Variants in PLD5 observed in about 807,000 individuals in gnomAD.
The protein encoded by PLD5 is phospholipase D family member 5, also known as inactive phospholipase D5.
In PLD5, 36 loss-of-function variants were observed where a neutral mutation model predicts 61.1. The observed-to-expected ratio is 0.59, with a 90% CI of 0.45 to 0.78. The LOEUF is 0.78. PLD5 is among the 30% of genes least tolerant of loss of function. The probability of loss-of-function intolerance (pLI) is 0.00; values close to 1 mark genes in which losing one functional copy is unlikely to be tolerated. For missense variants in PLD5, 515 were observed against 644.4 expected (o/e 0.80, Z 2.17); for synonymous variants, 243 against 242.8 (o/e 1.00, Z -0.01).
At chr1:242,434,473 T>C (rs571454901) in intron 1 of PLD5, among the ~76,000 whole-genome samples, 22 of 152,286 alleles carry the variant, frequency 1.4e-4, no homozygotes, top group Middle Eastern at 3.4e-3. Flanking sequence ...AGGCTATAGA[T>C]ACAGGAGTCA....
At chr1:242,144,547 G>A (rs1361632049) in intron 5 of PLD5, among the ~76,000 whole-genome samples, 1 of 152,172 alleles carries the variant, frequency 6.6e-6, no homozygotes, top group Non-Finnish European at 1.5e-5. Flanking sequence ...TTGGGAGGCT[G>A]AGGCGGGAGG....
At chr1:242,288,294 A>T in intron 3 of PLD5, 68 bp downstream of exon 3, 1 of 1,576,676 alleles carries the variant, frequency 6.3e-7, no homozygotes. Context: ...GGAGTGGAGG[A>T]GCAGAATACT....
intron 1 of PLD5, chr1:242,449,450 A>C (rs1168596470): frequency 9.1e-6 from 14 of 1,535,080 alleles, no homozygotes; most frequent in Non-Finnish European, 1.1e-5. Flanking sequence ...CTTCAGAGGC[A>C]GAGAATGTTT....
chr1:242,170,106 G>T (rs575108227), intron 5 of PLD5, among the ~76,000 whole-genome samples: 42 of 152,224 alleles, frequency 2.8e-4, no homozygotes, highest in Non-Finnish European at 5.4e-4. Context: ...GCCTCTTCAA[G>T]TTAGTCCTTG....
intron 1 of PLD5, among the ~76,000 whole-genome samples, chr1:242,481,271 C>T (rs920199358): frequency 5.3e-5 from 8 of 152,192 alleles, no homozygotes; most frequent in African/African-American, 1.9e-4. Context: ...CATCACCTCA[C>T]CCGGGAAGTG....
chr1:242,171,717 G>GA (rs59594701), intron 5 of PLD5, among the ~76,000 whole-genome samples: 73,108 of 144,252 alleles, frequency 0.51, 18,648 homozygotes, highest in East Asian at 0.68. Flanking sequence ...CAAATGGAAA[G>GA]AAAAAAAAAA....
intron 2 of PLD5, among the ~76,000 whole-genome samples, chr1:242,295,003 C>T (rs1223607574): frequency 6.6e-6 from 1 of 152,198 alleles, no homozygotes; most frequent in Non-Finnish European, 1.5e-5. Context: ...AATGCACCGA[C>T]ATTCATTCTT....
chr1:242,236,475 C>T (rs867259759), intron 4 of PLD5, among the ~76,000 whole-genome samples: 3 of 151,574 alleles, frequency 2.0e-5, no homozygotes, highest in South Asian at 2.1e-4. Flanking sequence ...TAGTGTCTAG[C>T]GAGTCAAGAA....
chr1:242,411,364 T>G (rs1465408708), intron 1 of PLD5, among the ~76,000 whole-genome samples: 1 of 152,010 alleles, frequency 6.6e-6, no homozygotes, highest in African/African-American at 2.4e-5. Context: ...GCCTCCCGAG[T>G]AGCTGGGACT....
At chr1:242,285,697 T>G (rs571798893) in intron 3 of PLD5, among the ~76,000 whole-genome samples, 12 of 151,658 alleles carry the variant, frequency 7.9e-5, no homozygotes, top group Admixed American at 2.6e-4. Context: ...AAAATACAAC[T>G]AATGAACTTG....
chr1:242,205,080 G>A (rs1669239858), intron 5 of PLD5, among the ~76,000 whole-genome samples: 1 of 152,298 alleles, frequency 6.6e-6, no homozygotes, highest in Non-Finnish European at 1.5e-5. Context: ...GACCGGGATA[G>A]AGATTTTGAG....
chr1:242,216,009 A>G (rs1670170046), intron 5 of PLD5, among the ~76,000 whole-genome samples: 1 of 152,138 alleles, frequency 6.6e-6, no homozygotes. Flanking sequence ...TTCTAACAAC[A>G]TGACTGCTTG....
chr1:242,251,017 TAGTC>T (rs533579858), intron 4 of PLD5, among the ~76,000 whole-genome samples: 9 of 152,128 alleles, frequency 5.9e-5, no homozygotes, highest in African/African-American at 1.4e-4. Context: ...AATAAAAAAA[TAGTC>T]AGGTCATTTA....
intron 4 of PLD5, among the ~76,000 whole-genome samples, chr1:242,262,348 A>G (rs2053193): frequency 0.46 from 70,694 of 152,100 alleles, 17,511 homozygotes; most frequent in East Asian, 0.68. Flanking sequence ...GATGTCTGCA[A>G]CGTTCTACAT....
rs912984509 is a variant in PLD5, at chr1:242,219,879, A to C, written c.735+109T>G. ...GAGCCTCTTAAAACTACAGTTAAGA[A>C]TAATAAATGCTGTAGGTTTTAGGAT... On this transcript the variant is annotated intron_variant, in intron 5 of 9. Coordinates refer to ENST00000536534, the MANE Select transcript of PLD5 (RefSeq NM_001372062.1). 2.3e-5 allele frequency: 32 copies of C among 1,374,884 alleles called. No homozygotes were observed. In the African/African-American group the frequency reaches 4.4e-4, roughly 19 times the overall value. 85.2% of individuals were successfully genotyped at this position (1,374,884 alleles called of 1,614,324 possible). A position where few individuals can be genotyped will look rare whatever the true frequency, so the allele number is the denominator to read the frequency against.
At chr1:242,385,486 G>A (rs1021590286) in intron 1 of PLD5, among the ~76,000 whole-genome samples, 1 of 152,100 alleles carries the variant, frequency 6.6e-6, no homozygotes, top group African/African-American at 2.4e-5. Flanking sequence ...TTTCTTTGTT[G>A]GATTACCAAT....
chr1:242,263,845 A>G (rs1432180975), intron 4 of PLD5, among the ~76,000 whole-genome samples: 1 of 152,266 alleles, frequency 6.6e-6, no homozygotes, highest in Non-Finnish European at 1.5e-5. Flanking sequence ...TGCTGTTTAC[A>G]GTAGCAAATA....
chr1:242,195,345 T>C (rs1668571759), intron 5 of PLD5, among the ~76,000 whole-genome samples: 1 of 152,152 alleles, frequency 6.6e-6, no homozygotes, highest in African/African-American at 2.4e-5. Context: ...AGAGCAGAGC[T>C]CCCCAAAATG....
intron 1 of PLD5, among the ~76,000 whole-genome samples, chr1:242,423,262 C>A (rs145182369): frequency 4.7e-4 from 71 of 152,168 alleles, no homozygotes; most frequent in African/African-American, 1.6e-3. Context: ...CTATGCACAG[C>A]AGACAATAAA....
Sources: allele counts gnomAD v4.1 joint callset (sites outside exome capture counted in the v4.1 genomes callset), GRCh38; gene constraint gnomAD v4.1.1; transcripts MANE v1.5; gene names NCBI Gene and HGNC (gene_info 2026-07-23, HGNC 2026-07-21).